Variants in PLPP1 observed in about 807,000 individuals in gnomAD.
PLPP1 encodes the protein lipid phosphate phosphohydrolase 1a.
Under a neutral mutation model 31.2 loss-of-function variants are expected in PLPP1, and 24 were observed. The ratio of observed to expected loss-of-function variants is 0.77; its 90% CI spans 0.56 to 1.08. The LOEUF (loss-of-function observed/expected upper bound fraction) is 1.08. Ranked by LOEUF, PLPP1 falls within the 50% of genes least tolerant of loss-of-function variation. The probability of loss-of-function intolerance (pLI) is 0.00; values close to 1 mark genes in which losing one functional copy is unlikely to be tolerated. For synonymous variants in PLPP1, 146 were observed against 126.3 expected (o/e 1.16, Z -1.05); for missense variants, 319 against 342.7 (o/e 0.93, Z 0.55).
At chr5:55,469,230 G>GT (rs1251616977) in intron 2 of PLPP1, among the ~76,000 whole-genome samples, 2 of 152,084 alleles carry the variant, frequency 1.3e-5, no homozygotes, top group African/African-American at 4.8e-5. Context: ...GCTCACTCCT[G>GT]TAATCCCAGC....
intron 1 of PLPP1, chr5:55,491,194 G>T: frequency 6.9e-7 from 1 of 1,439,372 alleles, no homozygotes; most frequent in Non-Finnish European, 9.4e-7. Context: ...TGAATGGGAT[G>T]CAAATCCTAG....
chr5:55,436,835 A>T (rs1275893042), intron 4 of PLPP1, among the ~76,000 whole-genome samples: 1 of 152,190 alleles, frequency 6.6e-6, no homozygotes, highest in Non-Finnish European at 1.5e-5. Context: ...TATTGCCTGG[A>T]TATTTGTGTT....
At chr5:55,427,484 AAAGT>A (rs982332918) in intron 4 of PLPP1, among the ~76,000 whole-genome samples, 1 of 152,168 alleles carries the variant, frequency 6.6e-6, no homozygotes, top group Non-Finnish European at 1.5e-5. Context: ...AGCTGTGAAA[AAAGT>A]AAGTAGTCAA....
At chr5:55,484,023 A>G (rs1752725118) in intron 1 of PLPP1, among the ~76,000 whole-genome samples, 1 of 152,176 alleles carries the variant, frequency 6.6e-6, no homozygotes, top group African/African-American at 2.4e-5. Context: ...TTAGTTGACT[A>G]AACATTAGTT....
intron 2 of PLPP1, among the ~76,000 whole-genome samples, chr5:55,469,513 A>G (rs897655250): frequency 2.1e-4 from 1 of 4,690 alleles, no homozygotes; most frequent in Non-Finnish European, 1.4e-3. Flanking sequence ...ATAAAAATTA[A>G]AAAAAAAAAA....
At chr5:55,436,170 C>T (rs923799571) in intron 4 of PLPP1, among the ~76,000 whole-genome samples, 1 of 152,146 alleles carries the variant, frequency 6.6e-6, no homozygotes, top group Non-Finnish European at 1.5e-5. Context: ...AGAAAGCTGG[C>T]CATTCCACCT....
chr5:55,450,236 A>C (rs1751863574), intron 3 of PLPP1, among the ~76,000 whole-genome samples: 1 of 152,216 alleles, frequency 6.6e-6, no homozygotes, highest in South Asian at 2.1e-4. Context: ...CACAGCCACT[A>C]ACATCTGTGA....
chr5:55,495,962 A>G (rs1752995523), intron 1 of PLPP1, among the ~76,000 whole-genome samples: 1 of 151,944 alleles, frequency 6.6e-6, no homozygotes, highest in African/African-American at 2.4e-5. Context: ...GTTTCAAGTG[A>G]TTCTCCGACT....
intron 3 of PLPP1, among the ~76,000 whole-genome samples, chr5:55,459,941 TATTTTTGTCTTCATTATGGTTTTCTC>T (rs1167227626): frequency 9.9e-5 from 15 of 152,200 alleles, no homozygotes; most frequent in Non-Finnish European, 1.5e-5. Flanking sequence ...AGCAGATACA[TATTTTTGTCTTCATTATGGTTTTCTC>T]ATTTTCTTTT....
intron 1 of PLPP1, among the ~76,000 whole-genome samples, chr5:55,488,476 TCTCTA>T (rs1390085431): frequency 4.0e-5 from 6 of 151,856 alleles, no homozygotes; most frequent in Non-Finnish European, 8.8e-5. Context: ...TAAAACCCCG[TCTCTA>T]CTAAAAATAC....
At chr5:55,496,580 T>C (rs1753007839) in intron 1 of PLPP1, among the ~76,000 whole-genome samples, 1 of 152,198 alleles carries the variant, frequency 6.6e-6, no homozygotes, top group African/African-American at 2.4e-5. Context: ...TGCCCACCTA[T>C]TTGTGAATAC....
intron 1 of PLPP1, among the ~76,000 whole-genome samples, chr5:55,503,848 G>A (rs547395114): frequency 8.6e-5 from 8 of 93,462 alleles, no homozygotes; most frequent in African/African-American, 3.4e-4. Flanking sequence ...GGGGAGGGGA[G>A]AGAGGAGGGG....
intron 1 of PLPP1, among the ~76,000 whole-genome samples, chr5:55,522,787 C>T (rs1365811438): frequency 1.3e-5 from 2 of 152,128 alleles, no homozygotes; most frequent in African/African-American, 2.4e-5. Flanking sequence ...GGCGCAATCT[C>T]GGCTCACTGC....
chr5:55,514,605 C>A (rs1753514036), intron 1 of PLPP1, among the ~76,000 whole-genome samples: 1 of 152,190 alleles, frequency 6.6e-6, no homozygotes, highest in Admixed American at 6.5e-5. Flanking sequence ...AACATAAAAA[C>A]TCTTACTCTG....
chr5:55,514,289 G>A (rs1213967549), intron 1 of PLPP1, among the ~76,000 whole-genome samples: 1 of 151,944 alleles, frequency 6.6e-6, no homozygotes, highest in Non-Finnish European at 1.5e-5. Flanking sequence ...GGAGGCTGAG[G>A]TGGGAGGATC....
chr5:55,517,474 G>T (rs764997362), intron 1 of PLPP1, among the ~76,000 whole-genome samples: 1 of 152,266 alleles, frequency 6.6e-6, no homozygotes, highest in East Asian at 1.9e-4. Context: ...TGGGAATACA[G>T]GTGTGAGCTA....
chr5:55,488,074 TAACA>T (rs1752810985), intron 1 of PLPP1, among the ~76,000 whole-genome samples: 1 of 151,392 alleles, frequency 6.6e-6, no homozygotes, highest in Non-Finnish European at 1.5e-5. Flanking sequence ...CTCCGTCTCA[TAACA>T]AACAAATAAA....
intron 1 of PLPP1, among the ~76,000 whole-genome samples, chr5:55,520,406 A>G (rs1430772391): frequency 6.6e-6 from 1 of 152,256 alleles, no homozygotes; most frequent in Non-Finnish European, 1.5e-5. Context: ...TTTAAATAGC[A>G]GACTGTGTCA....
At chr5:55,509,477 C>A (rs1753358228) in intron 1 of PLPP1, among the ~76,000 whole-genome samples, 1 of 152,124 alleles carries the variant, frequency 6.6e-6, no homozygotes, top group African/African-American at 2.4e-5. Context: ...ATAAAAAGTT[C>A]TTCGTTATCT....
Sources: gnomAD v4.1 joint callset for allele counts (sites outside exome capture counted in the v4.1 genomes callset) on GRCh38, gnomAD v4.1.1 for gene constraint, MANE v1.5 for transcripts, NCBI Gene and HGNC (gene_info 2026-07-23, HGNC 2026-07-21) for gene names.